Variants in IAH1 observed in about 807,000 individuals in gnomAD.
IAH1 encodes isoamyl acetate hydrolyzing esterase 1 (putative).
Under a neutral mutation model 26.7 loss-of-function variants are expected in IAH1, and 24 were observed. The ratio of observed to expected loss-of-function variants is 0.90; its 90% CI spans 0.65 to 1.26. IAH1 has a LOEUF of 1.26. Ranked by LOEUF, IAH1 falls within the 50% of genes most tolerant of loss-of-function variation. The pLI is 0.00. For missense variants in IAH1, 300 were observed against 299.9 expected (o/e 1.00, Z 0.00); for synonymous variants, 140 against 118.5 (o/e 1.18, Z -1.18).
chr2:9,494,526 G>C (rs1444907901), downstream of IAH1: 2 of 1,263,624 alleles, frequency 1.6e-6, no homozygotes, highest in Non-Finnish European at 2.2e-6. Context: ...TGGGCCAGAA[G>C]GATGTAGCCC....
At chr2:9,486,034 A>C (rs1661459906) in intron 5 of IAH1, 1 of 152,298 alleles carries the variant, frequency 6.6e-6, no homozygotes, top group Admixed American at 6.5e-5. Context: ...AAAGCAACAT[A>C]GAAAACAGCC....
intron 1 of IAH1, chr2:9,475,289 C>T (rs910989301): frequency 1.6e-5 from 17 of 1,051,582 alleles, no homozygotes; most frequent in Non-Finnish European, 2.2e-5. Flanking sequence ...ACTTGCTTCA[C>T]CAGGCTTTTG....
the IAH1 span, among the ~76,000 whole-genome samples, chr2:9,508,536 A>G: frequency 6.6e-6 from 1 of 152,230 alleles, no homozygotes; most frequent in Non-Finnish European, 1.5e-5. Flanking sequence ...CAATTTTAGG[A>G]CATTTCCATC....
intron 4 of IAH1, among the ~76,000 whole-genome samples, chr2:9,481,769 T>TG (rs1231956726): frequency 5.6e-5 from 8 of 141,850 alleles, no homozygotes; most frequent in South Asian, 4.6e-4. Flanking sequence ...GTGCTCGGCC[T>TG]GCGGGGGCTG....
intron 1 of IAH1, 34 bp from the exon 2 acceptor site, chr2:9,475,953 C>T: frequency 3.1e-6 from 5 of 1,594,878 alleles, no homozygotes; most frequent in Non-Finnish European, 4.3e-6. Context: ...CGGTTACAGT[C>T]ATTAGTAGTA....
chr2:9,474,784 C>T lies in IAH1; in HGVS notation c.81+137C>T, dbSNP rs116238865. 5.4e-3 allele frequency: 3,425 copies of T among 629,604 alleles called. 83 individuals are homozygous for T. In the African/African-American group the frequency reaches 0.06, roughly 11 times the overall value. 39.0% of individuals were successfully genotyped at this position (629,604 alleles called of 1,614,324 possible). Reference sequence around the variant, plus strand: ...GGCCTGGCCACGCCCGTGGAGACACCGGAGGAGTGGCGGGTCCCCCAGTGG... The same window carrying T: ...GGCCTGGCCACGCCCGTGGAGACACTGGAGGAGTGGCGGGTCCCCCAGTGG... On this transcript the variant is annotated intron_variant, in intron 1 of 5. Transcript: ENST00000497473. The surrounding 1 kb of genome is among the most constrained non-coding windows in gnomAD (Gnocchi z 4.3).
In IAH1 at chr2:9,482,032, C is replaced by CTTTTTT. The variant is rs58813442; in HGVS notation, c.445+596_445+601dup. Among the ~76,000 whole-genome samples the CTTTTTT allele has an allele frequency of 1.8e-3, 245 of 134,636 alleles. 4 individuals carry two copies. The highest frequency in any genetic ancestry group is 6.3e-3 in the African/African-American group (224 of 35,710). The allele number at this position is 134,636 out of a possible 152,430, so 88.3% of individuals were successfully genotyped here. A position where few individuals can be genotyped will look rare whatever the true frequency, so the allele number is the denominator to read the frequency against. ...TGAAAATGTGCATTATGGAAGTTCT[C>CTTTTTT]TTTTTTTTTTTTTTTTGGAGATAGA... On this transcript the variant is annotated intron_variant, in intron 4 of 5. Transcript: ENST00000497473.
Position 9,484,575 on chromosome 2 carries a change from C to G in IAH1, c.564+25C>G, listed in dbSNP as rs372679164. Reference sequence around the variant, plus strand: ...GGTACGGTGGCTTGCTCGGTCCTCTCGGGGTAAATAGGATCACACAGAAGT... The same window carrying G: ...GGTACGGTGGCTTGCTCGGTCCTCTGGGGGTAAATAGGATCACACAGAAGT... On this transcript the variant is annotated intron_variant, in intron 5 of 5. Coordinates refer to ENST00000497473, the MANE Select transcript of IAH1 (RefSeq NM_001039613.3). 13 of 1,486,518 alleles carry G rather than the reference C, an allele frequency of 8.7e-6. No homozygotes were observed. The Admixed American group carries it at 2.2e-4, about 25-fold the overall frequency. 92.1% of individuals were successfully genotyped at this position (1,486,518 alleles called of 1,614,324 possible). A position where few individuals can be genotyped will look rare whatever the true frequency, so the allele number is the denominator to read the frequency against.
At chr2:9,482,032 C>CTTTTTTT (rs58813442) in intron 4 of IAH1, among the ~76,000 whole-genome samples, 6 of 134,656 alleles carry the variant, frequency 4.5e-5, no homozygotes, top group African/African-American at 1.7e-4. Flanking sequence ...TGGAAGTTCT[C>CTTTTTTT]TTTTTTTTTT....
chr2:9,503,892 C>T, the IAH1 span, among the ~76,000 whole-genome samples: 2 of 150,756 alleles, frequency 1.3e-5, no homozygotes, highest in East Asian at 3.9e-4. Flanking sequence ...GTGCCTCATA[C>T]CTAGAATCTC....
chr2:9,510,195 TG>T, the IAH1 span: 2 of 1,571,322 alleles, frequency 1.3e-6, no homozygotes, highest in Non-Finnish European at 1.7e-6. Flanking sequence ...TTCTGCCAGT[TG>T]GGCCTATGCT....
At chr2:9,493,967 C>A, downstream of IAH1, 1 of 627,522 alleles carries the variant, frequency 1.6e-6, no homozygotes, top group Non-Finnish European at 2.7e-6. Flanking sequence ...GCAATAACTT[C>A]CGCGTAATGA....
At chr2:9,493,262 GCTA>G (rs1018359524), downstream of IAH1, among the ~76,000 whole-genome samples, 5 of 152,180 alleles carry the variant, frequency 3.3e-5, no homozygotes, top group Admixed American at 2.6e-4. Flanking sequence ...AATATGGAAT[GCTA>G]CTACTAGTAA....
chr2:9,492,915 T>C, downstream of IAH1: 1 of 1,612,630 alleles, frequency 6.2e-7, no homozygotes, highest in Admixed American at 1.7e-5. Context: ...TGGACAAGAA[T>C]GCTGAAAGGA....
chr2:9,474,539 GC>G (rs953945244), upstream of IAH1: 7 of 1,316,238 alleles, frequency 5.3e-6, no homozygotes, highest in African/African-American at 4.8e-5. This position sits in a 1 kb window ranked among gnomAD's most constrained non-coding sequence, Gnocchi z 4.3. Context: ...GTGGCTGGCG[GC>G]CCCGCCCCGC....
At position 9,478,223 on chromosome 2, in the gene IAH1, A is replaced by G; in HGVS notation, c.136A>G (p.Lys46Glu). Residue 46 changes from lysine to glutamate, a missense_variant and splice_region_variant, in exon 3 of 6, where the codon AAA becomes GAA. Transcript: ENST00000497473. ...GASLADRLVR[K>E]CDVLNRGFSG... is the part of the protein sequence containing the mutation. ...TCTTTTTAAAATTTTTCGTTTCAGA[A>G]AATGTGATGTTCTGAATCGTGGATT... The G allele has an allele frequency of 6.3e-7, 1 of 1,588,044 alleles. No individual in the cohort carries two copies. Among genetic ancestry groups the G allele is most frequent in the Non-Finnish European group, 8.6e-7 (1 of 1,167,998 alleles).
Position 9,489,618 on chromosome 2 carries a change from A to G in IAH1, c.*1289A>G, listed in dbSNP as rs939643914. ...TAACCCAAATGATTTCTAAATTTAG[A>G]TATATATTTTCCCTGCTACATAAAA... On this transcript the variant is annotated 3_prime_UTR_variant, in exon 6 of 6. Coordinates refer to ENST00000497473, the MANE Select transcript of IAH1 (RefSeq NM_001039613.3). 5.9e-5 allele frequency: 9 copies of G among 151,358 alleles called. No homozygotes were observed. Among genetic ancestry groups the G allele is most frequent in the Non-Finnish European group, 1.0e-4 (7 of 67,892 alleles). 9.4% of individuals were successfully genotyped at this position (151,358 alleles called of 1,614,324 possible). A position where few individuals can be genotyped will look rare whatever the true frequency, so the allele number is the denominator to read the frequency against.
At chr2:9,488,072 A>G (rs1295153898) in intron 5 of IAH1, 75 bp from the exon 6 acceptor site, 34 of 999,256 alleles carry the variant, frequency 3.4e-5, no homozygotes, top group Non-Finnish European at 4.8e-5. Context: ...CTCGGCCCCA[A>G]AGTGTTGGAA....
intron 6 of IAH1, among the ~76,000 whole-genome samples, chr2:9,496,015 C>T (rs932416045): frequency 3.0e-4 from 45 of 152,092 alleles, no homozygotes; most frequent in African/African-American, 1.1e-3. Context: ...TCTTTACCTA[C>T]ACATTATTGA....
Sources: gnomAD v4.1 joint callset for allele counts (sites outside exome capture counted in the v4.1 genomes callset) on GRCh38, gnomAD v4.1.1 for gene constraint, Gnocchi (gnomAD v3.1) non-coding constraint, MANE v1.5 for transcripts, NCBI Gene and HGNC (gene_info 2026-07-23, HGNC 2026-07-21) for gene names.